TRAPPC11: variants seen among roughly 807,000 people sequenced by gnomAD.
TRAPPC11 encodes foie gras homolog.
In TRAPPC11, 104 loss-of-function variants were observed where a neutral mutation model predicts 151.2. That is an observed-to-expected ratio of 0.69 (90% CI 0.59 to 0.81). The LOEUF is 0.81. Among genes scored for constraint, TRAPPC11 ranks in the 30% least tolerant of loss-of-function variants. The probability of loss-of-function intolerance (pLI) is 0.00; values close to 1 mark genes in which losing one functional copy is unlikely to be tolerated. For synonymous variants in TRAPPC11, 456 were observed against 472.3 expected (o/e 0.97, Z 0.45); for missense variants, 1,230 against 1,349.6 (o/e 0.91, Z 1.39).
chr4:183,693,818 G>A, intron 21 of TRAPPC11, 81 bp downstream of exon 21: 1 of 1,594,408 alleles, frequency 6.3e-7, no homozygotes, highest in Non-Finnish European at 8.6e-7. Context: ...TAGGACTTTT[G>A]TTTACAAGAG....
chr4:183,709,471 C>G (rs1737234135), intron 29 of TRAPPC11, among the ~76,000 whole-genome samples: 2 of 152,226 alleles, frequency 1.3e-5, no homozygotes, highest in South Asian at 4.1e-4. Context: ...CTATTCCACA[C>G]CATACTTTTA....
chr4:183,704,925 TAGTTTAAAAAGATGTTTAAAAAG>T (rs1736979187), intron 26 of TRAPPC11, 31 bp from the exon 27 acceptor site: 2 of 1,170,772 alleles, frequency 1.7e-6, no homozygotes, highest in African/African-American at 1.5e-5. Context: ...ACTTCTTTCA[TAGTTTAAAAAGATGTTTAAAAAG>T]AGTTTAAAAA....
intron 26 of TRAPPC11, among the ~76,000 whole-genome samples, chr4:183,702,900 A>G (rs1334990533): frequency 1.3e-5 from 2 of 152,214 alleles, no homozygotes; most frequent in Non-Finnish European, 2.9e-5. Context: ...TACAACTCAG[A>G]GTAATGAGTA....
intron 1 of TRAPPC11, among the ~76,000 whole-genome samples, chr4:183,663,386 A>C (rs561413072): frequency 6.6e-6 from 1 of 152,154 alleles, no homozygotes; most frequent in South Asian, 2.1e-4. Context: ...GGCGCCCACC[A>C]CCACGCCCGG....
At chr4:183,676,673 G>A (rs544161585) in intron 7 of TRAPPC11, among the ~76,000 whole-genome samples, 66 of 152,316 alleles carry the variant, frequency 4.3e-4, no homozygotes, top group Admixed American at 6.5e-4. Flanking sequence ...TGAGCTGCCC[G>A]AAGGACATCT....
Position 183,694,614 on chromosome 4 carries a change from T to C in TRAPPC11, c.2519T>C (p.Met840Thr). ...TTTATTTTGTTACAGCTGGAAAAAA[T>C]GTTGTATGTTCGCTGTGGAACAGTG... is the stretch of plus-strand genomic sequence containing the variant. Reference protein sequence around the residue: ...DLHPGEQLEKMLYVRCGTVGS... With the variant: ...DLHPGEQLEKTLYVRCGTVGS... Residue 840 changes from methionine to threonine, a missense_variant, in exon 23 of 30, where the codon ATG (methionine) becomes ACG (threonine). Coordinates refer to ENST00000334690, the MANE Select transcript of TRAPPC11 (RefSeq NM_021942.6). The C allele has an allele frequency of 6.2e-7, 1 of 1,612,384 alleles. No homozygotes were observed. The highest frequency in any genetic ancestry group is 8.5e-7 in the Non-Finnish European group (1 of 1,179,078).
At chr4:183,666,165 A>G (rs1309272168) in intron 2 of TRAPPC11, 92 bp from the exon 3 acceptor site, 4 of 1,161,058 alleles carry the variant, frequency 3.4e-6, no homozygotes, top group Non-Finnish European at 4.9e-6. Context: ...TGTATATTGA[A>G]TGAGATCAAT....
Position 183,677,527 on chromosome 4 carries a change from G to A in TRAPPC11, c.804G>A (p.Lys268=), listed in dbSNP as rs1432276195. The A allele has an allele frequency of 1.7e-5, 27 of 1,598,166 alleles. No homozygotes were observed. Among genetic ancestry groups the A allele is most frequent in the Non-Finnish European group, 2.2e-5 (26 of 1,166,104 alleles). Residue 268 remains lysine (K), a synonymous_variant, in exon 8 of 30, where the codon AAG becomes AAA. Transcript: ENST00000334690. The part of the protein sequence containing the change: ...RAHETNILEI[K]TMAGFINYKI... ...ATGAAACTAATATTCTGGAAATTAA[G>A]ACTATGGCAGGATTTATAAACTACA...
chr4:183,694,063 A>G (rs1265946928), intron 22 of TRAPPC11, 25 bp downstream of exon 22: 1 of 1,608,842 alleles, frequency 6.2e-7, no homozygotes, highest in Non-Finnish European at 8.5e-7. Context: ...CTGGGATTGA[A>G]GAGGAAATCA....
Position 183,694,734 on chromosome 4 carries a change from A to G in TRAPPC11, c.2628+11A>G. On this transcript the variant is annotated intron_variant, in intron 23 of 29. Coordinates refer to ENST00000334690, the MANE Select transcript of TRAPPC11 (RefSeq NM_021942.6). ...TGCAAGTGTCACAAGGTATTTTTTT[A>G]TAGCTACTTTATAAAGCATCATATG... The G allele has an allele frequency of 6.2e-7, 1 of 1,601,608 alleles. No individual in the cohort carries two copies. Among genetic ancestry groups the G allele is most frequent in the African/African-American group, 1.4e-5 (1 of 73,168 alleles).
intron 2 of TRAPPC11, 145 bp from the exon 3 acceptor site, chr4:183,666,112 C>A (rs1489395600): frequency 4.7e-6 from 3 of 641,092 alleles, no homozygotes; most frequent in African/African-American, 3.7e-5. Flanking sequence ...CTAGTTCTTA[C>A]TGAATCTGTA....
Position 183,679,503 on chromosome 4 carries a change from C to A in TRAPPC11, c.965+17C>A. The A allele has an allele frequency of 6.4e-7, 1 of 1,561,824 alleles. No individual in the cohort carries two copies. Among genetic ancestry groups the A allele is most frequent in the Non-Finnish European group, 8.7e-7 (1 of 1,154,892 alleles). The stretch of plus-strand genomic sequence containing the variant: ...GTCTAAACAGTATGTTTTACATTGT[C>A]CTTTTAGAATTTTTTAAAAATGATA... On this transcript the variant is annotated intron_variant, in intron 9 of 29. Coordinates refer to ENST00000334690, the MANE Select transcript of TRAPPC11 (RefSeq NM_021942.6).
At chr4:183,706,361 A>C (rs2111100126) in intron 27 of TRAPPC11, among the ~76,000 whole-genome samples, 1 of 152,228 alleles carries the variant, frequency 6.6e-6, no homozygotes, top group East Asian at 1.9e-4. Context: ...GTCTCTATTA[A>C]AAATGCAAAA....
chr4:183,711,721 A>G (rs1737349692), intron 29 of TRAPPC11, among the ~76,000 whole-genome samples: 1 of 100,760 alleles, frequency 9.9e-6, no homozygotes, highest in South Asian at 3.0e-4. Context: ...TGCCTCGGGA[A>G]TGCCTCAGAA....
chr4:183,701,528 T>A, intron 25 of TRAPPC11, 169 bp from the exon 26 acceptor site: 4 of 558,326 alleles, frequency 7.2e-6, no homozygotes, highest in Non-Finnish European at 9.6e-6. Flanking sequence ...AACAGTGGAC[T>A]TTGTGACCTT....
Position 183,675,199 on chromosome 4 carries a change from C to T in TRAPPC11, c.696C>T (p.Phe232=). 1.9e-6 allele frequency: 3 copies of T among 1,544,154 alleles called. No individual in the cohort carries two copies. Among genetic ancestry groups the T allele is most frequent in the Non-Finnish European group, 2.6e-6 (3 of 1,144,906 alleles). Reference sequence around the variant, plus strand: ...TTAGGCATCAGTTCAAAATAGCTTTCTTCAGTGAGTTGAAACAAGATACAC... The same window carrying T: ...TTAGGCATCAGTTCAAAATAGCTTTTTTCAGTGAGTTGAAACAAGATACAC... ...LFVRHQFKIA[F]FSELKQDTQN... Residue 232 remains phenylalanine, a synonymous_variant, in exon 7 of 30, where the codon TTC becomes TTT. Transcript: ENST00000334690.
chr4:183,698,353 GT>G (rs1036753366), intron 25 of TRAPPC11, among the ~76,000 whole-genome samples: 6 of 151,998 alleles, frequency 3.9e-5, no homozygotes, highest in African/African-American at 1.2e-4. Context: ...GTCTTCATGA[GT>G]TTTTTTTCAT....
chr4:183,682,732 GC>G lies in TRAPPC11; in HGVS notation c.1115del (p.Ala372ValfsTer3). 6.2e-7 allele frequency: 1 copy of G among 1,600,600 alleles called. No homozygotes were observed. The highest frequency in any genetic ancestry group is 8.5e-7 in the Non-Finnish European group (1 of 1,171,744). ...QLAKTLCNHE[A>X]SVMYPNPDPL... Reference sequence around the variant, plus strand: ...TTTAGGTTTGTGTTTTAATTTACAGGCTTCTGTAATGTATCCCAATCCTGAT... The same window carrying G: ...TTTAGGTTTGTGTTTTAATTTACAGGTTCTGTAATGTATCCCAATCCTGAT... On this transcript the variant is annotated frameshift_variant and splice_region_variant, in exon 11 of 30. Coordinates refer to ENST00000334690, the MANE Select transcript of TRAPPC11 (RefSeq NM_021942.6). LOFTEE classifies it high-confidence loss of function.
At chr4:183,705,766 G>A (rs1488574627) in intron 27 of TRAPPC11, among the ~76,000 whole-genome samples, 1 of 152,044 alleles carries the variant, frequency 6.6e-6, no homozygotes, top group Non-Finnish European at 1.5e-5. Context: ...TCAGATTCAG[G>A]GTCAAGTTTT....
Sources: gnomAD v4.1 joint callset for allele counts (sites outside exome capture counted in the v4.1 genomes callset) on GRCh38, gnomAD v4.1.1 for gene constraint, MANE v1.5 for transcripts, NCBI Gene and HGNC (gene_info 2026-07-23, HGNC 2026-07-21) for gene names.